Variants in FAM222B observed in about 807,000 individuals in gnomAD.
FAM222B encodes the protein protein FAM222B.
Under a neutral mutation model 38.0 loss-of-function variants are expected in FAM222B, and 12 were observed. That is an observed-to-expected ratio of 0.32 (90% CI 0.20 to 0.51). The LOEUF (loss-of-function observed/expected upper bound fraction) is 0.51. FAM222B is among the 20% of genes least tolerant of loss of function. The probability of loss-of-function intolerance (pLI) is 0.97; values close to 1 mark genes in which losing one functional copy is unlikely to be tolerated. For synonymous variants in FAM222B, 329 were observed against 317.2 expected (o/e 1.04, Z -0.40); for missense variants, 716 against 754.2 (o/e 0.95, Z 0.59).
upstream of FAM222B, among the ~76,000 whole-genome samples, chr17:28,844,531 G>A (rs933516146): frequency 2.6e-5 from 4 of 151,994 alleles, no homozygotes; most frequent in Admixed American, 1.3e-4. Context: ...GGTGGCGGGC[G>A]CCTGTAGTCC....
At chr17:28,792,194 C>T (rs1339721974) in intron 1 of FAM222B, among the ~76,000 whole-genome samples, 1 of 151,460 alleles carries the variant, frequency 6.6e-6, no homozygotes, top group Admixed American at 6.6e-5. Context: ...CGCCTGTAGT[C>T]CTAGCTACTT....
At chr17:28,806,484 G>A (rs781093508) in intron 1 of FAM222B, among the ~76,000 whole-genome samples, 9 of 152,060 alleles carry the variant, frequency 5.9e-5, no homozygotes, top group African/African-American at 1.7e-4. Flanking sequence ...TTTGGAAGTC[G>A]GGCACCACGG....
upstream of FAM222B, among the ~76,000 whole-genome samples, chr17:28,847,380 G>A (rs1598069248): frequency 6.6e-6 from 1 of 151,812 alleles, no homozygotes; most frequent in Middle Eastern, 3.4e-3. Context: ...GGATCACGAG[G>A]TCAGGAGTTC....
intron 1 of FAM222B, among the ~76,000 whole-genome samples, chr17:28,798,087 A>C (rs1272195307): frequency 6.6e-6 from 1 of 151,986 alleles, no homozygotes; most frequent in Non-Finnish European, 1.5e-5. Context: ...AAACGCTACG[A>C]AAAAAATATG....
intron 1 of FAM222B, among the ~76,000 whole-genome samples, chr17:28,805,595 A>G (rs558677642): frequency 6.6e-6 from 1 of 152,100 alleles, no homozygotes; most frequent in East Asian, 1.9e-4. Flanking sequence ...TGGAGACTGC[A>G]GTGAGCCGTG....
rs1187612082 is a variant in FAM222B, at chr17:28,757,018, GAA to G, written c.*1250_*1251del. The G allele has an allele frequency of 2.0e-5, 3 of 152,560 alleles. No homozygotes were observed. Among genetic ancestry groups the G allele is most frequent in the Non-Finnish European group, 4.4e-5 (3 of 68,030 alleles). 9.5% of individuals were successfully genotyped at this position (152,560 alleles called of 1,614,324 possible). A position where few individuals can be genotyped will look rare whatever the true frequency, so the allele number is the denominator to read the frequency against. On this transcript the variant is annotated 3_prime_UTR_variant, in exon 3 of 3. Transcript: ENST00000581407. Reference sequence around the variant, plus strand: ...AAAACAGTCTAAGTTTAAAATTACAGAAAAGTGTTTCTAGCCAACTAATTGTC... The same window carrying G: ...AAAACAGTCTAAGTTTAAAATTACAGAAGTGTTTCTAGCCAACTAATTGTC...
intron 1 of FAM222B, among the ~76,000 whole-genome samples, chr17:28,826,987 T>G (rs1342947562): frequency 6.6e-6 from 1 of 151,576 alleles, no homozygotes. Context: ...CCAAAAAAAT[T>G]TTTTTTTTCA....
intron 2 of FAM222B, among the ~76,000 whole-genome samples, chr17:28,763,143 G>A (rs1253972532): frequency 6.6e-6 from 1 of 152,184 alleles, no homozygotes; most frequent in Non-Finnish European, 1.5e-5. Context: ...TCTGTAGTTT[G>A]TAAAGGGTTA....
chr17:28,820,492 TGTGA>T (rs1435914245), intron 1 of FAM222B, among the ~76,000 whole-genome samples: 14 of 152,210 alleles, frequency 9.2e-5, no homozygotes, highest in South Asian at 2.1e-4. Flanking sequence ...GTCTTTTGTG[TGTGA>T]GTGTTTCTAT....
At chr17:28,764,680 G>A (rs1339940449) in intron 2 of FAM222B, among the ~76,000 whole-genome samples, 1 of 151,882 alleles carries the variant, frequency 6.6e-6, no homozygotes, top group African/African-American at 2.4e-5. Context: ...CCAGAAGGCG[G>A]AGGTTGCGTT....
intron 1 of FAM222B, among the ~76,000 whole-genome samples, chr17:28,832,581 T>C (rs576566332): frequency 6.6e-6 from 1 of 152,296 alleles, no homozygotes; most frequent in East Asian, 1.9e-4. Flanking sequence ...TCCCCAAATA[T>C]GGGTTAAGGG....
chr17:28,820,230 T>A (rs11651867), intron 1 of FAM222B, among the ~76,000 whole-genome samples: 1 of 152,094 alleles, frequency 6.6e-6, no homozygotes, highest in Non-Finnish European at 1.5e-5. Flanking sequence ...AATTTTCCTC[T>A]ATTGTTAATG....
intron 1 of FAM222B, among the ~76,000 whole-genome samples, chr17:28,814,279 T>G (rs1355062209): frequency 6.6e-6 from 1 of 152,078 alleles, no homozygotes; most frequent in African/African-American, 2.4e-5. Flanking sequence ...TGCATAACAT[T>G]AAATATCTAC....
intron 1 of FAM222B, among the ~76,000 whole-genome samples, chr17:28,822,853 A>G (rs1318087679): frequency 8.5e-6 from 1 of 117,310 alleles, no homozygotes; most frequent in Non-Finnish European, 1.7e-5. Flanking sequence ...ATATATATAT[A>G]TATATATATA....
chr17:28,806,149 A>G (rs1293847146), intron 1 of FAM222B, among the ~76,000 whole-genome samples: 1 of 152,000 alleles, frequency 6.6e-6, no homozygotes, highest in Non-Finnish European at 1.5e-5. Flanking sequence ...TGAAACTCCA[A>G]CTAAAAAAAA....
At chr17:28,779,408 C>T (rs545852744) in intron 1 of FAM222B, among the ~76,000 whole-genome samples, 2 of 152,140 alleles carry the variant, frequency 1.3e-5, no homozygotes, top group East Asian at 3.9e-4. Flanking sequence ...ATAAACCATA[C>T]AAGCAAAGTG....
At chr17:28,825,663 A>T (rs991206947) in intron 1 of FAM222B, among the ~76,000 whole-genome samples, 1 of 152,100 alleles carries the variant, frequency 6.6e-6, no homozygotes, top group African/African-American at 2.4e-5. Flanking sequence ...ATACTCCTAG[A>T]TCTTAAATGC....
At chr17:28,829,546 GAAC>G (rs1279394019) in intron 1 of FAM222B, among the ~76,000 whole-genome samples, 1 of 152,122 alleles carries the variant, frequency 6.6e-6, no homozygotes, top group African/African-American at 2.4e-5. Flanking sequence ...GTTTTCCCCA[GAAC>G]ATCATACAAA....
At chr17:28,830,803 T>C (rs1170124263) in intron 1 of FAM222B, among the ~76,000 whole-genome samples, 1 of 150,904 alleles carries the variant, frequency 6.6e-6, no homozygotes, top group Non-Finnish European at 1.5e-5. Context: ...CTGGGCAACA[T>C]GGCAAAACCC....
Sources: gnomAD v4.1 joint callset for allele counts (sites outside exome capture counted in the v4.1 genomes callset) on GRCh38, gnomAD v4.1.1 for gene constraint, MANE v1.5 for transcripts, NCBI Gene and HGNC (gene_info 2026-07-23, HGNC 2026-07-21) for gene names.